Variants in GRK3 observed in about 807,000 individuals in gnomAD.
The protein encoded by GRK3 is adrenergic, beta, receptor kinase 2.
A neutral mutation model predicts 95.7 loss-of-function variants in GRK3; 54 were observed. That is an observed-to-expected ratio of 0.56 (90% CI 0.45 to 0.71). GRK3 has a LOEUF of 0.71. Ranked by LOEUF, GRK3 falls within the 30% of genes least tolerant of loss-of-function variation. GRK3 has a pLI of 0.00. For missense variants in GRK3, 649 were observed against 851.2 expected, an observed-to-expected ratio of 0.76 and a Z score of 2.96; for synonymous variants, 281 against 290.8, an observed-to-expected ratio of 0.97 and a Z score of 0.34.
chr22:25,693,055 T>C (rs1459620724), intron 12 of GRK3, among the ~76,000 whole-genome samples: 2 of 152,352 alleles, frequency 1.3e-5, no homozygotes, highest in South Asian at 2.1e-4. Context: ...TATTGTAAAC[T>C]AGAAGTTAAC....
intron 3 of GRK3, among the ~76,000 whole-genome samples, chr22:25,650,588 T>A (rs1296714968): frequency 6.6e-6 from 1 of 152,046 alleles, no homozygotes; most frequent in East Asian, 1.9e-4. Flanking sequence ...TTCAAAGAAA[T>A]ACGAGAAAAG....
intron 13 of GRK3, among the ~76,000 whole-genome samples, chr22:25,696,263 A>G (rs1418386754): frequency 6.6e-6 from 1 of 152,198 alleles, no homozygotes; most frequent in Non-Finnish European, 1.5e-5. Flanking sequence ...TAAACGCCTA[A>G]GCCACCACAC....
chr22:25,706,394 G>A (rs1478044717), intron 15 of GRK3, among the ~76,000 whole-genome samples: 1 of 152,146 alleles, frequency 6.6e-6, no homozygotes, highest in Non-Finnish European at 1.5e-5. Flanking sequence ...AGCTCAGCAT[G>A]CTGGCTCCGT....
At chr22:25,686,118 AGGC>A (rs1241740760) in intron 10 of GRK3, among the ~76,000 whole-genome samples, 1 of 151,740 alleles carries the variant, frequency 6.6e-6, no homozygotes, top group Non-Finnish European at 1.5e-5. Context: ...GCTACTCGGG[AGGC>A]TGAGGCAGGA....
chr22:25,625,588 ACT>A (rs1381309861), intron 2 of GRK3, among the ~76,000 whole-genome samples: 2 of 151,878 alleles, frequency 1.3e-5, no homozygotes, highest in African/African-American at 4.8e-5. Flanking sequence ...TTTAGAGAAG[ACT>A]CTGCTCCTCC....
chr22:25,566,126 AT>A (rs892757819), intron 1 of GRK3, among the ~76,000 whole-genome samples: 3 of 151,674 alleles, frequency 2.0e-5, no homozygotes, highest in South Asian at 2.1e-4. Flanking sequence ...TCAGTGATGG[AT>A]TTTTTTTTCT....
chr22:25,666,568 C>T (rs117075985), intron 5 of GRK3, among the ~76,000 whole-genome samples: 1 of 152,210 alleles, frequency 6.6e-6, no homozygotes, highest in East Asian at 1.9e-4. Context: ...GGTAGACTGG[C>T]TCACCCCCCA....
intron 2 of GRK3, among the ~76,000 whole-genome samples, chr22:25,609,948 A>G (rs755842950): frequency 1.3e-5 from 2 of 150,392 alleles, no homozygotes; most frequent in Non-Finnish European, 3.0e-5. Flanking sequence ...TCCCAGTTCA[A>G]TCACATCTCC....
intron 2 of GRK3, among the ~76,000 whole-genome samples, chr22:25,620,485 C>A (rs1051962567): frequency 1.3e-5 from 2 of 152,062 alleles, no homozygotes; most frequent in Admixed American, 6.5e-5. Flanking sequence ...GTTGCCAGCC[C>A]GGCTCTAAGA....
In GRK3 at chr22:25,722,461, C is replaced by A. The variant is rs545063284; in HGVS notation, c.*11C>A. ...AGCAACGGCCTCTAGCACCCAGAAA[C>A]AGGGAGGGTCCTCGAGGAGGACACA... On this transcript the variant is annotated 3_prime_UTR_variant, in exon 21 of 21. Transcript: ENST00000324198. The A allele has an allele frequency of 9.3e-6, 15 of 1,613,522 alleles. No homozygotes were observed. In the African/African-American group the frequency reaches 2.0e-4, roughly 22 times the overall value.
chr22:25,576,941 AAAGAT>A (rs1931922992), intron 1 of GRK3, among the ~76,000 whole-genome samples: 1 of 152,226 alleles, frequency 6.6e-6, no homozygotes. Context: ...TCCTAGAAGA[AAAGAT>A]GTCATAGATT....
intron 1 of GRK3, 23 bp downstream of exon 1, chr22:25,565,176 C>G: frequency 1.4e-6 from 2 of 1,395,422 alleles, no homozygotes; most frequent in Admixed American, 2.5e-5. Flanking sequence ...CCGGCCGGCG[C>G]CGGCCCCAAG....
rs570500647 is a variant in GRK3, at chr22:25,573,390, A to G, written c.113+8237A>G. Among the ~76,000 whole-genome samples, 4 of 152,358 alleles carry G rather than the reference A, an allele frequency of 2.6e-5. No individual in the cohort carries two copies. The East Asian group carries it at 7.7e-4, about 29-fold the overall frequency. On this transcript the variant is annotated intron_variant, in intron 1 of 20. Coordinates refer to ENST00000324198, the MANE Select transcript of GRK3 (RefSeq NM_005160.4). ...AGGATTTGGTTCCTTGAATGATTCA[A>G]AATTCATTATACCAGTTTGCTTAGG... is the stretch of plus-strand genomic sequence containing the variant.
rs148557545 is a variant in GRK3, at chr22:25,573,987, A to C, written c.113+8834A>C. Among the ~76,000 whole-genome samples, 585 of 152,324 alleles carry C rather than the reference A, an allele frequency of 3.8e-3. 6 individuals are homozygous for C. Among genetic ancestry groups the C allele is most frequent in the African/African-American group, 0.013 (546 of 41,576 alleles). ...ACACCACCACCAACAACAAAAACCC[A>C]TAAAATCCCATTGGCTGGGGAAGAC... On this transcript the variant is annotated intron_variant, in intron 1 of 20. Transcript: ENST00000324198.
intron 4 of GRK3, among the ~76,000 whole-genome samples, chr22:25,662,688 A>G (rs2084917284): frequency 1.3e-5 from 2 of 152,222 alleles, no homozygotes; most frequent in Admixed American, 1.3e-4. Flanking sequence ...TTGCTACTCC[A>G]TGCCTTGCTG....
intron 5 of GRK3, among the ~76,000 whole-genome samples, chr22:25,665,170 C>T (rs370809169): frequency 6.6e-6 from 1 of 152,188 alleles, no homozygotes; most frequent in South Asian, 2.1e-4. Flanking sequence ...GAAGGGTGCA[C>T]ACGGGTTGCT....
intron 1 of GRK3, among the ~76,000 whole-genome samples, chr22:25,565,481 G>C: frequency 6.7e-6 from 1 of 149,766 alleles, no homozygotes; most frequent in Non-Finnish European, 1.5e-5. Flanking sequence ...GTCCTGTCCT[G>C]CCCTGTCCCA....
intron 1 of GRK3, among the ~76,000 whole-genome samples, chr22:25,585,742 A>G (rs148838697): frequency 0.036 from 5,422 of 152,294 alleles, 47 homozygotes; most frequent in African/African-American, 0.082. Flanking sequence ...AGAGGCAGAA[A>G]AGCGTTTTCA....
In GRK3 at chr22:25,687,591, T is replaced by C. The variant is rs2085126019; in HGVS notation, c.881T>C (p.Met294Thr). Residue 294 changes from methionine (M) to threonine (T), a missense_variant, in exon 11 of 21, where the codon ATG becomes ACG. Coordinates refer to ENST00000324198, the MANE Select transcript of GRK3 (RefSeq NM_005160.4). ...SQHGVFSEKE[M>T]RFYATEIILG... is the part of the protein sequence containing the mutation. The stretch of plus-strand genomic sequence containing the variant: ...CACGGTGTGTTCTCTGAGAAGGAGA[T>C]GCGGTTTTATGCCACTGAAATCATT... 1 of 1,614,018 alleles carries C rather than the reference T, an allele frequency of 6.2e-7. No homozygotes were observed. Among genetic ancestry groups the C allele is most frequent in the Non-Finnish European group, 8.5e-7 (1 of 1,179,990 alleles).
Sources: allele counts gnomAD v4.1 joint callset (sites outside exome capture counted in the v4.1 genomes callset), GRCh38; gene constraint gnomAD v4.1.1; transcripts MANE v1.5; gene names NCBI Gene and HGNC (gene_info 2026-07-23, HGNC 2026-07-21).